The following SUSD6 variants were observed in gnomAD, a reference collection of about 807,000 sequenced individuals.
SUSD6 encodes sushi domain containing 6.
A neutral mutation model predicts 28.4 loss-of-function variants in SUSD6; 16 were observed. That is an observed-to-expected ratio of 0.56 (90% CI 0.38 to 0.86). The LOEUF (loss-of-function observed/expected upper bound fraction) is 0.86. Ranked by LOEUF, SUSD6 falls within the 40% of genes least tolerant of loss-of-function variation. The pLI is 0.00. For synonymous variants in SUSD6, 147 were observed against 159.6 expected (o/e 0.92, Z 0.59); for missense variants, 341 against 384.2 (o/e 0.89, Z 0.94).
chr14:69,670,239 G>GGCA (rs1269701186), intron 2 of SUSD6, among the ~76,000 whole-genome samples: 1 of 152,164 alleles, frequency 6.6e-6, no homozygotes, highest in Non-Finnish European at 1.5e-5. Flanking sequence ...GTGAGAGGAG[G>GGCA]GCAGCAGCAG....
chr14:69,662,660 A>G (rs916519592), intron 2 of SUSD6, among the ~76,000 whole-genome samples: 2 of 152,236 alleles, frequency 1.3e-5, no homozygotes, highest in African/African-American at 2.4e-5. Context: ...ATCTATGCAC[A>G]TGCTATCCAA....
intron 1 of SUSD6, among the ~76,000 whole-genome samples, chr14:69,655,848 GC>G (rs1885574226): frequency 6.6e-6 from 1 of 151,932 alleles, no homozygotes; most frequent in Non-Finnish European, 1.5e-5. Flanking sequence ...TTACCATTTG[GC>G]CGGCCCCACT....
chr14:69,646,543 A>G (rs1220760492), intron 1 of SUSD6, among the ~76,000 whole-genome samples: 2 of 152,108 alleles, frequency 1.3e-5, no homozygotes, highest in African/African-American at 4.8e-5. Flanking sequence ...GTTATCCCTC[A>G]GGTACCCCAG....
chr14:69,629,941 C>T (rs1289487557), intron 1 of SUSD6, among the ~76,000 whole-genome samples: 3 of 152,208 alleles, frequency 2.0e-5, no homozygotes, highest in Non-Finnish European at 4.4e-5. Context: ...TGTCCATAAA[C>T]ATTGTCTTGT....
At chr14:69,631,558 G>T (rs1180297450) in intron 1 of SUSD6, among the ~76,000 whole-genome samples, 4 of 152,102 alleles carry the variant, frequency 2.6e-5, no homozygotes, top group Non-Finnish European at 5.9e-5. Context: ...GTTGTTGCAA[G>T]GATTAAATAA....
intron 2 of SUSD6, chr14:69,670,540 T>C: frequency 2.2e-6 from 1 of 456,480 alleles, no homozygotes; most frequent in South Asian, 1.5e-5. Context: ...GGAGACAAGG[T>C]GGCATAGTCA....
At chr14:69,648,026 G>C (rs1298739688) in intron 1 of SUSD6, among the ~76,000 whole-genome samples, 1 of 152,138 alleles carries the variant, frequency 6.6e-6, no homozygotes, top group South Asian at 2.1e-4. Flanking sequence ...AACCAGAGAA[G>C]CTCTTCAAGT....
chr14:69,632,501 G>A (rs1343413454), intron 1 of SUSD6, among the ~76,000 whole-genome samples: 2 of 152,142 alleles, frequency 1.3e-5, no homozygotes, highest in Non-Finnish European at 2.9e-5. Flanking sequence ...CAGAGTAAGA[G>A]CTGCCAGTAA....
At chr14:69,685,666 C>T (rs916065877) in intron 2 of SUSD6, among the ~76,000 whole-genome samples, 2 of 152,188 alleles carry the variant, frequency 1.3e-5, no homozygotes, top group African/African-American at 4.8e-5. Context: ...TCTCTAGGTT[C>T]ACCAAAGTGA....
intron 2 of SUSD6, 46 bp from the exon 3 acceptor site, chr14:69,703,349 C>T (rs1194291188): frequency 6.7e-7 from 1 of 1,482,102 alleles, no homozygotes; most frequent in Non-Finnish European, 9.4e-7. Context: ...CAGACTCCTA[C>T]TGGATACCTC....
chr14:69,708,157 T>C (rs1886411068), intron 4 of SUSD6, among the ~76,000 whole-genome samples: 1 of 152,244 alleles, frequency 6.6e-6, no homozygotes, highest in Non-Finnish European at 1.5e-5. Flanking sequence ...CACTTCCCTG[T>C]TTTTTAACAG....
At chr14:69,629,706 T>C (rs1885166179) in intron 1 of SUSD6, among the ~76,000 whole-genome samples, 2 of 152,244 alleles carry the variant, frequency 1.3e-5, no homozygotes, top group African/African-American at 4.8e-5. Context: ...GATTCTGTTT[T>C]GCCAGCTTCT....
intron 1 of SUSD6, among the ~76,000 whole-genome samples, chr14:69,653,746 A>AATTTTTTT (rs1885537738): frequency 6.9e-5 from 2 of 28,902 alleles, no homozygotes; most frequent in African/African-American, 1.7e-4. Flanking sequence ...ACCTAGTGAA[A>AATTTTTTT]CTTTTTTTTT....
intron 2 of SUSD6, among the ~76,000 whole-genome samples, chr14:69,659,305 A>G (rs993118936): frequency 2.0e-5 from 3 of 152,176 alleles, no homozygotes; most frequent in African/African-American, 7.2e-5. Flanking sequence ...GACACTACAA[A>G]TGTTGTGATC....
At chr14:69,676,681 C>T (rs1686109577) in intron 2 of SUSD6, among the ~76,000 whole-genome samples, 1 of 152,168 alleles carries the variant, frequency 6.6e-6, no homozygotes, top group African/African-American at 2.4e-5. Context: ...AGGCATGAGC[C>T]ACCGCCCACA....
chr14:69,676,367 C>G (rs1885909033), intron 2 of SUSD6, among the ~76,000 whole-genome samples: 1 of 151,492 alleles, frequency 6.6e-6, no homozygotes, highest in Non-Finnish European at 1.5e-5. Flanking sequence ...TCCAACTTTA[C>G]TGTGCTTTTT....
chr14:69,646,143 C>G (rs1490449299), intron 1 of SUSD6, among the ~76,000 whole-genome samples: 1 of 152,186 alleles, frequency 6.6e-6, no homozygotes, highest in Non-Finnish European at 1.5e-5. Flanking sequence ...TTCCTAGTGG[C>G]CAGATCCAGT....
chr14:69,625,328 G>T (rs1246402296), intron 1 of SUSD6, among the ~76,000 whole-genome samples: 1 of 152,232 alleles, frequency 6.6e-6, no homozygotes, highest in Non-Finnish European at 1.5e-5. Context: ...TCCTCACTAT[G>T]CTTGAAGAGA....
chr14:69,672,801 C>T (rs1164678650), intron 2 of SUSD6, among the ~76,000 whole-genome samples: 1 of 152,176 alleles, frequency 6.6e-6, no homozygotes, highest in African/African-American at 2.4e-5. Context: ...AGCCTTAGGC[C>T]GACTCTCCAG....
Sources: allele counts gnomAD v4.1 joint callset (sites outside exome capture counted in the v4.1 genomes callset), GRCh38; gene constraint gnomAD v4.1.1; transcripts MANE v1.5; gene names NCBI Gene and HGNC (gene_info 2026-07-23, HGNC 2026-07-21).